SPAG16: variants seen among roughly 807,000 people sequenced by gnomAD.
The protein encoded by SPAG16 is sperm-associated antigen 16 protein.
In SPAG16, 86 loss-of-function variants were observed where a neutral mutation model predicts 80.4. The ratio of observed to expected loss-of-function variants is 1.07; its 90% confidence interval spans 0.90 to 1.28. The LOEUF is 1.28. Ranked by LOEUF, SPAG16 falls within the 50% of genes most tolerant of loss-of-function variation. The probability of loss-of-function intolerance (pLI) is 0.00; values close to 1 mark genes in which losing one functional copy is unlikely to be tolerated. For missense variants in SPAG16, 870 were observed against 765.3 expected, an observed-to-expected ratio of 1.14 and a Z score of -1.61; for synonymous variants, 294 against 265.9, an observed-to-expected ratio of 1.11 and a Z score of -1.03.
intron 15 of SPAG16, among the ~76,000 whole-genome samples, chr2:214,340,416 A>T (rs1276147610): frequency 6.6e-6 from 1 of 152,224 alleles, no homozygotes; most frequent in African/African-American, 2.4e-5. Flanking sequence ...TAATTTATGA[A>T]ATTTTAAATG....
chr2:214,336,237 TTTA>T (rs1697280612), intron 15 of SPAG16, among the ~76,000 whole-genome samples: 1 of 152,214 alleles, frequency 6.6e-6, no homozygotes, highest in Non-Finnish European at 1.5e-5. Flanking sequence ...CTTTTTATTT[TTTA>T]TTATTTAATT....
intron 12 of SPAG16, among the ~76,000 whole-genome samples, chr2:213,970,254 A>G (rs944861708): frequency 2.6e-5 from 4 of 152,176 alleles, no homozygotes; most frequent in African/African-American, 9.6e-5. Context: ...AGCTGTAGTG[A>G]AATATTGTCA....
chr2:213,981,538 G>A (rs541886806), intron 12 of SPAG16, among the ~76,000 whole-genome samples: 1 of 151,956 alleles, frequency 6.6e-6, no homozygotes, highest in Non-Finnish European at 1.5e-5. Flanking sequence ...TGAGTTTCAG[G>A]TTCAAAACGT....
chr2:214,187,420 T>C (rs544687433), intron 15 of SPAG16, among the ~76,000 whole-genome samples: 4 of 152,270 alleles, frequency 2.6e-5, no homozygotes, highest in Non-Finnish European at 4.4e-5. Context: ...AAACAAATGT[T>C]TTCCTTAGCT....
At chr2:213,884,621 C>T (rs1015716205) in intron 11 of SPAG16, among the ~76,000 whole-genome samples, 1 of 152,190 alleles carries the variant, frequency 6.6e-6, no homozygotes, top group African/African-American at 2.4e-5. Flanking sequence ...CCTTCTCTCT[C>T]AGGAATGCCA....
At chr2:214,130,203 A>G (rs1196745839) in intron 14 of SPAG16, among the ~76,000 whole-genome samples, 1 of 152,210 alleles carries the variant, frequency 6.6e-6, no homozygotes, top group East Asian at 1.9e-4. Flanking sequence ...GGAAGTCTCT[A>G]GCAGCCGGTG....
At chr2:213,566,872 T>C (rs751856167) in intron 10 of SPAG16, among the ~76,000 whole-genome samples, 30 of 152,244 alleles carry the variant, frequency 2.0e-4, no homozygotes, top group Non-Finnish European at 4.0e-4. Context: ...TATATTTTAA[T>C]AGATTGTGAC....
At chr2:214,015,805 G>T (rs2047564649) in intron 13 of SPAG16, among the ~76,000 whole-genome samples, 1 of 152,054 alleles carries the variant, frequency 6.6e-6, no homozygotes, top group Admixed American at 6.6e-5. Context: ...GAGGGCCTTA[G>T]AATTTTGCTT....
At chr2:213,430,663 A>G (rs2070235259) in intron 9 of SPAG16, among the ~76,000 whole-genome samples, 2 of 152,210 alleles carry the variant, frequency 1.3e-5, no homozygotes, top group Admixed American at 6.5e-5. Context: ...CTATTTAAGG[A>G]AGTAATTGAT....
At chr2:213,736,518 C>G (rs1437727897) in intron 10 of SPAG16, among the ~76,000 whole-genome samples, 1 of 152,022 alleles carries the variant, frequency 6.6e-6, no homozygotes, top group Non-Finnish European at 1.5e-5. Context: ...AAACTCCTGA[C>G]CTCAGATGAT....
At chr2:214,406,118 T>A (rs1574533976) in intron 15 of SPAG16, among the ~76,000 whole-genome samples, 2 of 152,136 alleles carry the variant, frequency 1.3e-5, no homozygotes, top group Non-Finnish European at 2.9e-5. Flanking sequence ...TAAAAAAAAT[T>A]GCAATAATAA....
At chr2:213,314,468 T>A (rs10180396) in intron 4 of SPAG16, among the ~76,000 whole-genome samples, 1 of 151,732 alleles carries the variant, frequency 6.6e-6, no homozygotes, top group Non-Finnish European at 1.5e-5. Flanking sequence ...ATTCAGATTT[T>A]ATTGAGAAGT....
At chr2:214,056,128 C>CT (rs2049928161) in intron 13 of SPAG16, among the ~76,000 whole-genome samples, 1 of 152,082 alleles carries the variant, frequency 6.6e-6, no homozygotes, top group Non-Finnish European at 1.5e-5. Flanking sequence ...TTAATACCCC[C>CT]TTTACTATAT....
At position 213,887,710 on chromosome 2, in the gene SPAG16, T is replaced by TTA. The variant is rs994348936; in HGVS notation, c.1214+25092_1214+25093dup. ...CTAATTTTAATAAAAATTTTTAAAA[T>TTA]TATATATATATGTTTTCTATGTATA... is the stretch of plus-strand genomic sequence containing the variant. On this transcript the variant is annotated intron_variant, in intron 11 of 15. Coordinates refer to ENST00000331683, the MANE Select transcript of SPAG16 (RefSeq NM_024532.5). Among the ~76,000 whole-genome samples, 10 of 151,406 alleles carry TTA rather than the reference T, an allele frequency of 6.6e-5. No individual in the cohort carries two copies. In the South Asian group the frequency reaches 8.3e-4, roughly 13 times the overall value.
intron 12 of SPAG16, among the ~76,000 whole-genome samples, chr2:213,958,111 G>C (rs1035518557): frequency 1.6e-4 from 25 of 152,262 alleles, no homozygotes; most frequent in African/African-American, 6.0e-4. Context: ...TAGTGGGAGG[G>C]GAGCAAAAGA....
chr2:213,587,361 G>A (rs1035650443), intron 10 of SPAG16, among the ~76,000 whole-genome samples: 1 of 152,100 alleles, frequency 6.6e-6, no homozygotes, highest in Admixed American at 6.5e-5. Context: ...GCCATACCTG[G>A]GTCAGCCCCA....
At chr2:214,186,677 T>C (rs552725112) in intron 15 of SPAG16, among the ~76,000 whole-genome samples, 38 of 152,234 alleles carry the variant, frequency 2.5e-4, no homozygotes, top group African/African-American at 8.7e-4. Context: ...CTAAGTACAC[T>C]ACAAATTGTC....
At chr2:214,059,215 T>TAC (rs869126046) in intron 13 of SPAG16, among the ~76,000 whole-genome samples, 1 of 93,546 alleles carries the variant, frequency 1.1e-5, no homozygotes, top group Non-Finnish European at 2.1e-5. Flanking sequence ...TATATATATA[T>TAC]GTATGTGTAT....
intron 15 of SPAG16, among the ~76,000 whole-genome samples, chr2:214,161,236 T>C (rs1317633973): frequency 6.6e-6 from 1 of 152,176 alleles, no homozygotes; most frequent in African/African-American, 2.4e-5. Flanking sequence ...ATGTTTTTGC[T>C]ATTGTGAATA....
Sources: gnomAD v4.1 joint callset for allele counts (sites outside exome capture counted in the v4.1 genomes callset) on GRCh38, gnomAD v4.1.1 for gene constraint, MANE v1.5 for transcripts, NCBI Gene and HGNC (gene_info 2026-07-23, HGNC 2026-07-21) for gene names.